ZCCHC7: variants seen among roughly 807,000 people sequenced by gnomAD.
ZCCHC7 encodes the protein zinc finger CCHC domain-containing protein 7.
A neutral mutation model predicts 52.0 loss-of-function variants in ZCCHC7; 35 were observed. The ratio of observed to expected loss-of-function variants is 0.67; its 90% confidence interval spans 0.51 to 0.89. ZCCHC7 has a LOEUF of 0.89. ZCCHC7 is among the 40% of genes least tolerant of loss of function. The probability of loss-of-function intolerance (pLI) is 0.00; values close to 1 mark genes in which losing one functional copy is unlikely to be tolerated. For synonymous variants in ZCCHC7, 217 were observed against 221.5 expected, an observed-to-expected ratio of 0.98 and a Z score of 0.18; for missense variants, 574 against 649.1, an observed-to-expected ratio of 0.88 and a Z score of 1.26.
chr9:37,132,345 T>G (rs1842819126), intron 2 of ZCCHC7, among the ~76,000 whole-genome samples: 1 of 152,226 alleles, frequency 6.6e-6, no homozygotes, highest in South Asian at 2.1e-4. Context: ...AGCTCTTTCT[T>G]GTACTTTTTT....
chr9:37,332,840 C>T (rs1017703774), intron 6 of ZCCHC7, among the ~76,000 whole-genome samples: 6 of 151,480 alleles, frequency 4.0e-5, no homozygotes, highest in Non-Finnish European at 7.4e-5. Flanking sequence ...ATTATAAATG[C>T]ATGTTATTTT....
chr9:37,144,072 A>G (rs1434227962), intron 2 of ZCCHC7, among the ~76,000 whole-genome samples: 2 of 151,882 alleles, frequency 1.3e-5, no homozygotes, highest in South Asian at 2.1e-4. Flanking sequence ...AACGGGAGCC[A>G]TACTTTAAAT....
chr9:37,282,870 ATCTT>A (rs1828032888), intron 2 of ZCCHC7, among the ~76,000 whole-genome samples: 1 of 135,394 alleles, frequency 7.4e-6, no homozygotes, highest in Non-Finnish European at 1.6e-5. Flanking sequence ...GAAGACCTGA[ATCTT>A]TTTTTTTTTT....
At chr9:37,178,843 G>A (rs921878334) in intron 2 of ZCCHC7, among the ~76,000 whole-genome samples, 2 of 152,124 alleles carry the variant, frequency 1.3e-5, no homozygotes, top group Admixed American at 6.5e-5. Flanking sequence ...GACTAAAATA[G>A]GTAAGCTTTT....
chr9:37,280,762 TTCTTTC>T (rs1234909761), intron 2 of ZCCHC7, among the ~76,000 whole-genome samples: 1 of 151,916 alleles, frequency 6.6e-6, no homozygotes, highest in Non-Finnish European at 1.5e-5. Context: ...CTCTCTCTCT[TTCTTTC>T]TCTTTGTCTT....
intron 5 of ZCCHC7, among the ~76,000 whole-genome samples, chr9:37,321,739 C>T (rs1002374817): frequency 1.3e-5 from 2 of 151,980 alleles, no homozygotes. Context: ...GCATTCTAGC[C>T]TGGGCAACAG....
At chr9:37,286,036 T>C (rs1052535676) in intron 2 of ZCCHC7, among the ~76,000 whole-genome samples, 4 of 152,174 alleles carry the variant, frequency 2.6e-5, no homozygotes, top group Non-Finnish European at 5.9e-5. Flanking sequence ...ATGTTAAAAG[T>C]AGAAAGATGC....
At chr9:37,349,171 T>G (rs1821206663) in intron 6 of ZCCHC7, among the ~76,000 whole-genome samples, 186 bp from the exon 7 acceptor site, 1 of 152,204 alleles carries the variant, frequency 6.6e-6, no homozygotes, top group South Asian at 2.1e-4. Context: ...ACATTGACAT[T>G]AAGAGTAAAA....
intron 3 of ZCCHC7, among the ~76,000 whole-genome samples, chr9:37,302,845 G>T (rs1412378774): frequency 6.6e-6 from 1 of 152,148 alleles, no homozygotes; most frequent in African/African-American, 2.4e-5. Context: ...ATTAGAATAT[G>T]GGACAGTTAG....
chr9:37,162,061 A>G (rs1413634368), intron 2 of ZCCHC7, among the ~76,000 whole-genome samples: 1 of 152,208 alleles, frequency 6.6e-6, no homozygotes, highest in Non-Finnish European at 1.5e-5. Context: ...AGTTGTGGAG[A>G]TAACTTCAGA....
At chr9:37,162,963 G>A (rs894855016) in intron 2 of ZCCHC7, among the ~76,000 whole-genome samples, 2 of 152,152 alleles carry the variant, frequency 1.3e-5, no homozygotes, top group African/African-American at 4.8e-5. Context: ...AGCACTTTGG[G>A]AGGCTGGGGC....
chr9:37,324,103 C>G (rs997813647), intron 5 of ZCCHC7, among the ~76,000 whole-genome samples: 2 of 152,170 alleles, frequency 1.3e-5, no homozygotes, highest in African/African-American at 4.8e-5. Context: ...ATGTTATTCA[C>G]TATCAATGAA....
chr9:37,355,257 G>A (rs1588716203), intron 8 of ZCCHC7, among the ~76,000 whole-genome samples: 1 of 152,190 alleles, frequency 6.6e-6, no homozygotes, highest in Non-Finnish European at 1.5e-5. Context: ...GCTGCAAGCA[G>A]AGCTCCAAGT....
At chr9:37,323,650 C>T (rs986838940) in intron 5 of ZCCHC7, among the ~76,000 whole-genome samples, 6 of 152,116 alleles carry the variant, frequency 3.9e-5, no homozygotes, top group African/African-American at 1.4e-4. Context: ...ATTATTAAGA[C>T]AGTAACTTGT....
chr9:37,251,080 A>G (rs1826307765), intron 2 of ZCCHC7, among the ~76,000 whole-genome samples: 1 of 152,216 alleles, frequency 6.6e-6, no homozygotes, highest in South Asian at 2.1e-4. Flanking sequence ...GATTGTTTGT[A>G]GTATTTTGGA....
At chr9:37,164,758 T>C (rs1821326511) in intron 2 of ZCCHC7, among the ~76,000 whole-genome samples, 1 of 152,132 alleles carries the variant, frequency 6.6e-6, no homozygotes, top group Non-Finnish European at 1.5e-5. Context: ...TTTAGGTATT[T>C]ATTCACTCTG....
At chr9:37,253,792 A>T (rs1031472377) in intron 2 of ZCCHC7, among the ~76,000 whole-genome samples, 9 of 152,052 alleles carry the variant, frequency 5.9e-5, no homozygotes, top group African/African-American at 2.2e-4. Context: ...AAGTATAGAT[A>T]TGAATGTTAC....
At chr9:37,208,136 A>C (rs1241478687) in intron 2 of ZCCHC7, among the ~76,000 whole-genome samples, 1 of 152,148 alleles carries the variant, frequency 6.6e-6, no homozygotes, top group Non-Finnish European at 1.5e-5. Context: ...TCTGTCACCC[A>C]GGCTGGAGTG....
At chr9:37,323,886 A>G (rs1008290132) in intron 5 of ZCCHC7, among the ~76,000 whole-genome samples, 1 of 152,206 alleles carries the variant, frequency 6.6e-6, no homozygotes, top group African/African-American at 2.4e-5. Context: ...GGACAATCAG[A>G]TGACTTGGTA....
Sources: gnomAD v4.1 joint callset for allele counts (sites outside exome capture counted in the v4.1 genomes callset) on GRCh38, gnomAD v4.1.1 for gene constraint, MANE v1.5 for transcripts, NCBI Gene and HGNC (gene_info 2026-07-23, HGNC 2026-07-21) for gene names.